The following HMGCS2 variants were observed in gnomAD, a reference collection of about 807,000 sequenced individuals.
HMGCS2 encodes 3-hydroxy-3-methylglutaryl-CoA synthase 2, also known as hydroxymethylglutaryl-CoA synthase, mitochondrial.
Under a neutral mutation model 57.4 loss-of-function variants are expected in HMGCS2, and 50 were observed. That is an observed-to-expected ratio of 0.87 (90% CI 0.69 to 1.10). The LOEUF is 1.10. Ranked by LOEUF, HMGCS2 falls within the 50% of genes least tolerant of loss-of-function variation. The pLI is 0.00. For synonymous variants in HMGCS2, 254 were observed against 245.1 expected (o/e 1.04, Z -0.34); for missense variants, 627 against 636.5 (o/e 0.99, Z 0.16).
At position 119,759,877 on chromosome 1, in the gene HMGCS2, C is replaced by T. The variant is rs1311179686; in HGVS notation, c.672G>A (p.Leu224=). 3 of 1,614,162 alleles carry T rather than the reference C, an allele frequency of 1.9e-6. No individual in the cohort carries two copies. The Admixed American group carries it at 5.0e-5, about 27-fold the overall frequency. ...ATTACTACAAACCTCGCTCCAGGGC[C>T]AGAGGGGCCTTGGGCCCAATCAGCA... ...VAMLIGPKAP[L]ALERGLRGTH... The change falls in exon 3 of 10, where the codon CTG becomes CTA. Residue 224 remains leucine (L), a synonymous_variant. Coordinates refer to ENST00000369406, the MANE Select transcript of HMGCS2 (RefSeq NM_005518.4).
intron 1 of HMGCS2, among the ~76,000 whole-genome samples, chr1:119,767,885 T>C (rs367660700): frequency 6.6e-6 from 1 of 152,294 alleles, no homozygotes; most frequent in East Asian, 1.9e-4. Flanking sequence ...GAGAGTGAGA[T>C]GATGGTAGCA....
At chr1:119,758,664 A>G (rs912174467) in intron 4 of HMGCS2, among the ~76,000 whole-genome samples, 8 of 152,294 alleles carry the variant, frequency 5.3e-5, no homozygotes, top group Admixed American at 1.3e-4. Flanking sequence ...CATCACGAAG[A>G]GAAAAATCAC....
intron 1 of HMGCS2, among the ~76,000 whole-genome samples, chr1:119,765,222 C>A (rs1653186688): frequency 6.6e-6 from 1 of 152,196 alleles, no homozygotes; most frequent in Admixed American, 6.5e-5. Flanking sequence ...CATTCTCCTG[C>A]CTCAGCCTCC....
intron 2 of HMGCS2, among the ~76,000 whole-genome samples, chr1:119,761,786 T>TA (rs954066467): frequency 6.7e-6 from 1 of 149,412 alleles, no homozygotes; most frequent in East Asian, 2.0e-4. Context: ...AAATAAAAAA[T>TA]AAAAAAAGGC....
intron 2 of HMGCS2, among the ~76,000 whole-genome samples, chr1:119,762,794 A>T (rs1262091905): frequency 6.6e-6 from 1 of 152,124 alleles, no homozygotes; most frequent in Non-Finnish European, 1.5e-5. Context: ...TAGATACCAC[A>T]TTTTTTTAAA....
rs894800597 is a variant in HMGCS2, at chr1:119,755,733, C to T, written c.1017-136G>A. The T allele has an allele frequency of 1.5e-5, 12 of 821,486 alleles. No homozygotes were observed. The Admixed American group carries it at 2.1e-4, about 14-fold the overall frequency. 50.9% of individuals were successfully genotyped at this position (821,486 alleles called of 1,614,324 possible). A position where few individuals can be genotyped will look rare whatever the true frequency, so the allele number is the denominator to read the frequency against. On this transcript the variant is annotated intron_variant, in intron 5 of 9. Transcript: ENST00000369406. ...CAATATTTGGAAATACAGAACAGTACAGAGGAGAACATACCACTAATGGCC... is the reference window on the plus strand; with the variant it reads ...CAATATTTGGAAATACAGAACAGTATAGAGGAGAACATACCACTAATGGCC...
At chr1:119,748,872 G>A (rs1487006520) in intron 9 of HMGCS2, 31 bp from the exon 10 acceptor site, 1 of 152,236 alleles carries the variant, frequency 6.6e-6, no homozygotes, top group African/African-American at 2.4e-5. Flanking sequence ...TTCAATCATG[G>A]GTCTCCTCTT....
At chr1:119,760,037 T>A (rs907434168) in intron 2 of HMGCS2, 48 bp from the exon 3 acceptor site, 6 of 1,572,198 alleles carry the variant, frequency 3.8e-6, no homozygotes, top group Non-Finnish European at 5.2e-6. Flanking sequence ...AAATCTAGAG[T>A]AGACTGAGTG....
chr1:119,759,273 C>A lies in HMGCS2; in HGVS notation c.695G>T (p.Gly232Val), dbSNP rs1002548815. ...GTCATACACATTCTCCATATGGGTT[C>A]CCCTCAGCCCTGGAAAGGCACACAA... ...APLALERGLR[G>V]THMENVYDFY... The change falls in exon 4 of 10, where the codon GGA (glycine) becomes GTA (valine). Residue 232 changes from glycine (G) to valine (V), a missense_variant. Coordinates refer to ENST00000369406, the MANE Select transcript of HMGCS2 (RefSeq NM_005518.4). The A allele has an allele frequency of 2.6e-5, 42 of 1,613,738 alleles. No homozygotes were observed. The highest frequency in any genetic ancestry group is 3.4e-5 in the Non-Finnish European group (40 of 1,179,856).
At chr1:119,763,833 G>C (rs767719237) in intron 2 of HMGCS2, among the ~76,000 whole-genome samples, 7 of 152,106 alleles carry the variant, frequency 4.6e-5, no homozygotes, top group Non-Finnish European at 8.8e-5. Context: ...AAACAGGTAC[G>C]GTAAAATAGG....
intron 8 of HMGCS2, 115 bp downstream of exon 8, chr1:119,752,434 A>G (rs1652690734): frequency 6.1e-6 from 7 of 1,151,512 alleles, no homozygotes; most frequent in East Asian, 2.4e-5. Context: ...TCTCCCAACC[A>G]TATCTCGTAA....
rs768923037 is a variant in HMGCS2, at chr1:119,768,710, G to A, written c.104+31C>T. The A allele has an allele frequency of 3.4e-6, 5 of 1,477,340 alleles. No homozygotes were observed. In the South Asian group the frequency reaches 5.7e-5, roughly 17 times the overall value. The allele number at this position is 1,477,340 out of a possible 1,614,324, so 91.5% of individuals were successfully genotyped here. On this transcript the variant is annotated intron_variant, in intron 1 of 9. Transcript: ENST00000369406. ...AGCAGGGAAAAACTATCTTTTACTA[G>A]TTACAAGGTGCTTCTCAGAAAGTGA...
intron 6 of HMGCS2, 97 bp downstream of exon 6, chr1:119,755,330 G>C (rs1198213078): frequency 8.4e-7 from 1 of 1,185,208 alleles, no homozygotes; most frequent in African/African-American, 1.5e-5. Flanking sequence ...TTAAATTTCT[G>C]AGCCAAAAGA....
intron 7 of HMGCS2, 60 bp downstream of exon 7, chr1:119,753,220 A>G: frequency 1.0e-6 from 1 of 999,086 alleles, no homozygotes; most frequent in Non-Finnish European, 1.6e-6. Flanking sequence ...GTGGGGAAGA[A>G]GATGGTTATT....
chr1:119,763,162 T>C (rs940613406), intron 2 of HMGCS2, among the ~76,000 whole-genome samples: 2 of 152,204 alleles, frequency 1.3e-5, no homozygotes, highest in African/African-American at 2.4e-5. Flanking sequence ...CTTTTGTAAT[T>C]GCACGGTCTT....
rs746742793 is a variant in HMGCS2 at position 119,749,039 on chromosome 1, GT to G, written c.*6-199del. On this transcript the variant is annotated intron_variant, in intron 9 of 9. Coordinates refer to ENST00000369406, the MANE Select transcript of HMGCS2 (RefSeq NM_005518.4). ...AATGCTACTGGAGCCAAGGCTGGGGGTAGGCAGGGTCCCCGTCGCACATCTG... is the reference window on the plus strand; with the variant it reads ...AATGCTACTGGAGCCAAGGCTGGGGGAGGCAGGGTCCCCGTCGCACATCTG... Among the ~76,000 whole-genome samples the G allele has an allele frequency of 1.9e-4, 29 of 152,306 alleles. No homozygotes were observed. In the South Asian group the frequency reaches 3.5e-3, roughly 19 times the overall value.
chr1:119,751,021 G>C (rs994085016), intron 8 of HMGCS2, 113 bp from the exon 9 acceptor site: 1 of 723,158 alleles, frequency 1.4e-6, no homozygotes, highest in African/African-American at 1.7e-5. Context: ...TGGCTGGGCT[G>C]TAAGGGGCTG....
chr1:119,751,778 G>C (rs1041026171), intron 8 of HMGCS2, among the ~76,000 whole-genome samples: 2 of 152,056 alleles, frequency 1.3e-5, no homozygotes, highest in Non-Finnish European at 2.9e-5. Flanking sequence ...ATGACCACTA[G>C]GTCTAGGTTT....
At chr1:119,755,807 T>G (rs1200975253) in intron 5 of HMGCS2, among the ~76,000 whole-genome samples, 1 of 152,172 alleles carries the variant, frequency 6.6e-6, no homozygotes, top group African/African-American at 2.4e-5. Flanking sequence ...GTGGAATCCA[T>G]CCCTAATTTT....
Sources: gnomAD v4.1 joint callset for allele counts (sites outside exome capture counted in the v4.1 genomes callset) on GRCh38, gnomAD v4.1.1 for gene constraint, MANE v1.5 for transcripts, NCBI Gene and HGNC (gene_info 2026-07-23, HGNC 2026-07-21) for gene names.